The following DKK2 variants were observed in gnomAD, a reference collection of about 807,000 sequenced individuals.
The protein encoded by DKK2 is dickkopf-related protein 2.
Under a neutral mutation model 28.1 loss-of-function variants are expected in DKK2, and 11 were observed. The observed-to-expected ratio is 0.39, with a 90% CI of 0.25 to 0.65. The LOEUF (loss-of-function observed/expected upper bound fraction) is 0.65. DKK2 is among the 30% of genes least tolerant of loss of function. DKK2 has a pLI of 0.47. For missense variants in DKK2, 326 were observed against 335.5 expected, an observed-to-expected ratio of 0.97 and a Z score of 0.22; for synonymous variants, 135 against 126.5, an observed-to-expected ratio of 1.07 and a Z score of -0.45.
intron 1 of DKK2, among the ~76,000 whole-genome samples, chr4:107,003,033 T>C (rs920070159): frequency 6.6e-6 from 1 of 152,208 alleles, no homozygotes; most frequent in African/African-American, 2.4e-5. Flanking sequence ...AGATTGAAAG[T>C]GAGACTTTTC....
chr4:107,017,361 T>A (rs1560592669), intron 1 of DKK2, among the ~76,000 whole-genome samples: 1 of 152,052 alleles, frequency 6.6e-6, no homozygotes, highest in Non-Finnish European at 1.5e-5. Flanking sequence ...TATAGCTGTT[T>A]AAAGGCAGAG....
intron 1 of DKK2, among the ~76,000 whole-genome samples, chr4:106,975,668 TGTTA>T (rs1470995692): frequency 6.6e-6 from 1 of 152,160 alleles, no homozygotes; most frequent in African/African-American, 2.4e-5. Flanking sequence ...CTGTCTATTT[TGTTA>T]ATCTTAAAGA....
intron 1 of DKK2, among the ~76,000 whole-genome samples, chr4:107,033,540 T>A (rs944315661): frequency 6.6e-6 from 1 of 152,164 alleles, no homozygotes; most frequent in Non-Finnish European, 1.5e-5. Context: ...AAACGACGCA[T>A]GTAACTGATT....
chr4:106,979,442 C>CT lies in DKK2; in HGVS notation c.223-53494dup, dbSNP rs11354225. ...TCTAATCAGACTACTTAGTATCCTT[C>CT]TTTTTTTTTTTTTTTTCAAATACAG... On this transcript the variant is annotated intron_variant, in intron 1 of 3. Transcript: ENST00000285311. 6.8e-3 allele frequency among the ~76,000 whole-genome samples: 948 copies of CT among 138,424 alleles called. 2 individuals are homozygous for CT. Among genetic ancestry groups the CT allele is most frequent in the Non-Finnish European group, 8.8e-3 (558 of 63,662 alleles). The allele number at this position is 138,424 out of a possible 152,430, so 90.8% of individuals were successfully genotyped here. A position where few individuals can be genotyped will look rare whatever the true frequency, so the allele number is the denominator to read the frequency against.
At position 107,023,786 on chromosome 4, in the gene DKK2, A is replaced by G. The variant is rs575832108; in HGVS notation, c.222+11584T>C. ...TTTGGTTCAACTATTTTTCGAAACT[A>G]AAACTACTCTCAAAAACCAATAAAA... is the stretch of plus-strand genomic sequence containing the variant. On this transcript the variant is annotated intron_variant, in intron 1 of 3. Coordinates refer to ENST00000285311, the MANE Select transcript of DKK2 (RefSeq NM_014421.3). 2.6e-4 allele frequency among the ~76,000 whole-genome samples: 39 copies of G among 152,176 alleles called. No homozygotes were observed. The South Asian group carries it at 7.9e-3, about 31-fold the overall frequency.
intron 1 of DKK2, among the ~76,000 whole-genome samples, chr4:106,952,269 T>C (rs1724871327): frequency 6.6e-6 from 1 of 152,202 alleles, no homozygotes; most frequent in South Asian, 2.1e-4. Context: ...GAGTATGTCG[T>C]AGGCTGTTTT....
chr4:106,961,244 T>C (rs1303835125), intron 1 of DKK2, among the ~76,000 whole-genome samples: 2 of 152,136 alleles, frequency 1.3e-5, no homozygotes, highest in African/African-American at 2.4e-5. Flanking sequence ...AAAATGTCCA[T>C]GTGTTCTAAA....
At chr4:107,029,284 T>C (rs986961193) in intron 1 of DKK2, among the ~76,000 whole-genome samples, 5 of 152,188 alleles carry the variant, frequency 3.3e-5, no homozygotes. Context: ...GTTTGATATA[T>C]GGGTTCTAAT....
chr4:106,979,944 A>G (rs1344882901), intron 1 of DKK2, among the ~76,000 whole-genome samples: 1 of 152,246 alleles, frequency 6.6e-6, no homozygotes, highest in Non-Finnish European at 1.5e-5. Flanking sequence ...CACTTTAAAT[A>G]GTTTACTACA....
In DKK2 at chr4:106,923,874, G is replaced by A; in HGVS notation, c.*80C>T. 6.4e-7 allele frequency: 1 copy of A among 1,556,474 alleles called. No homozygotes were observed. Among genetic ancestry groups the A allele is most frequent in the Non-Finnish European group, 8.7e-7 (1 of 1,143,856 alleles). ...TTATTTTAGCCATTCTTCTGCATCTGAACCTTATTTTCCACCATGCTATAA... is the reference window on the plus strand; with the variant it reads ...TTATTTTAGCCATTCTTCTGCATCTAAACCTTATTTTCCACCATGCTATAA... On this transcript the variant is annotated 3_prime_UTR_variant, in exon 4 of 4. Transcript: ENST00000285311.
intron 1 of DKK2, among the ~76,000 whole-genome samples, chr4:106,983,684 G>A (rs1723068449): frequency 6.6e-6 from 1 of 152,126 alleles, no homozygotes; most frequent in Non-Finnish European, 1.5e-5. Flanking sequence ...TGGCAGACTA[G>A]GAGAAAATGT....
rs140637677 is a variant in DKK2 at position 107,029,643 on chromosome 4, T to C, written c.222+5727A>G. On this transcript the variant is annotated intron_variant, in intron 1 of 3. Coordinates refer to ENST00000285311, the MANE Select transcript of DKK2 (RefSeq NM_014421.3). ...TTCCCTGAAGAAAGAACAATCTTAT[T>C]CCGGATAATAAAGTATAACATGAAG... Among the ~76,000 whole-genome samples the C allele has an allele frequency of 5.5e-3, 834 of 152,256 alleles. 6 individuals are homozygous for C. The highest frequency in any genetic ancestry group is 6.7e-3 in the Non-Finnish European group (457 of 67,970).
At chr4:106,940,015 A>T (rs1293660619) in intron 1 of DKK2, among the ~76,000 whole-genome samples, 1 of 152,170 alleles carries the variant, frequency 6.6e-6, no homozygotes, top group African/African-American at 2.4e-5. Flanking sequence ...CCTAGAAGAA[A>T]ACCTAGGCAA....
intron 1 of DKK2, among the ~76,000 whole-genome samples, chr4:107,013,569 C>A (rs1261051086): frequency 2.0e-5 from 3 of 151,356 alleles, no homozygotes; most frequent in African/African-American, 7.3e-5. Flanking sequence ...TTCAGTTACA[C>A]CTGAAATTAT....
In DKK2 at chr4:106,983,372, A is replaced by AAAGAAAGAAAG. The variant is rs1560585856; in HGVS notation, c.222+51997_222+51998insCTTTCTTTCTT. On this transcript the variant is annotated intron_variant, in intron 1 of 3. Coordinates refer to ENST00000285311, the MANE Select transcript of DKK2 (RefSeq NM_014421.3). The stretch of plus-strand genomic sequence containing the variant: ...AGAAAGAAAGAAAGAAAGAAAGAAG[A>AAAGAAAGAAAG]AAGAAAAGAAAGAAAAGAAAAAGAA... Among the ~76,000 whole-genome samples the AAAGAAAGAAAG allele has an allele frequency of 3.8e-4, 54 of 143,970 alleles. 1 individual carries two copies. The highest frequency in any genetic ancestry group is 1.1e-3 in the African/African-American group (45 of 39,354). The allele number at this position is 143,970 out of a possible 152,430, so 94.4% of individuals were successfully genotyped here.
intron 1 of DKK2, among the ~76,000 whole-genome samples, chr4:106,948,293 T>C (rs1437807669): frequency 6.6e-6 from 1 of 152,180 alleles, no homozygotes; most frequent in East Asian, 1.9e-4. Context: ...CTTCAAAGCC[T>C]CTGATTCAGT....
At chr4:107,002,649 T>G (rs1454815097) in intron 1 of DKK2, among the ~76,000 whole-genome samples, 6 of 152,152 alleles carry the variant, frequency 3.9e-5, no homozygotes, top group Admixed American at 3.9e-4. Flanking sequence ...AAAAGTAAAT[T>G]TGGTATGGCC....
intron 1 of DKK2, among the ~76,000 whole-genome samples, chr4:107,012,870 TAGAC>T: frequency 6.6e-6 from 1 of 151,178 alleles, no homozygotes; most frequent in Non-Finnish European, 1.5e-5. Flanking sequence ...GTCCCCAAGT[TAGAC>T]AAAGATTCTC....
At chr4:106,935,205 G>T (rs147019460) in intron 1 of DKK2, among the ~76,000 whole-genome samples, 13,383 of 152,214 alleles carry the variant, frequency 0.088, 698 homozygotes, top group Middle Eastern at 0.15. Flanking sequence ...CTGAGGTACC[G>T]GGTTCATCTC....
Sources: gnomAD v4.1 joint callset for allele counts (sites outside exome capture counted in the v4.1 genomes callset) on GRCh38, gnomAD v4.1.1 for gene constraint, MANE v1.5 for transcripts, NCBI Gene and HGNC (gene_info 2026-07-23, HGNC 2026-07-21) for gene names.